The following SNX30 variants were observed in gnomAD, a reference collection of about 807,000 sequenced individuals.
The protein encoded by SNX30 is sorting nexin-30.
In SNX30, 24 loss-of-function variants were observed where a neutral mutation model predicts 46.4. The observed-to-expected ratio is 0.52, with a 90% CI of 0.37 to 0.73. SNX30 has a LOEUF of 0.73. SNX30 is among the 30% of genes least tolerant of loss of function. SNX30 has a pLI of 0.00. For synonymous variants in SNX30, 189 were observed against 211.5 expected, an observed-to-expected ratio of 0.89 and a Z score of 0.92; for missense variants, 533 against 555.7, an observed-to-expected ratio of 0.96 and a Z score of 0.41.
At chr9:112,847,880 T>C (rs970608302) in intron 6 of SNX30, among the ~76,000 whole-genome samples, 21 of 152,212 alleles carry the variant, frequency 1.4e-4, no homozygotes, top group Non-Finnish European at 1.0e-4. Context: ...CTTCCATTCC[T>C]GTTTTATTTT....
intron 4 of SNX30, among the ~76,000 whole-genome samples, chr9:112,835,874 T>C (rs4304397): frequency 0.94 from 142,573 of 152,186 alleles, 66,858 homozygotes; most frequent in East Asian, 1. Flanking sequence ...GTAAAGACAA[T>C]ATAGGGTACT....
At chr9:112,786,034 A>C (rs1839918535) in intron 1 of SNX30, among the ~76,000 whole-genome samples, 1 of 151,900 alleles carries the variant, frequency 6.6e-6, no homozygotes, top group Admixed American at 6.6e-5. Flanking sequence ...TCTCTTGCAT[A>C]TTGGCTTCAA....
At chr9:112,856,327 G>A (rs947370895) in intron 7 of SNX30, among the ~76,000 whole-genome samples, 20 of 146,630 alleles carry the variant, frequency 1.4e-4, no homozygotes, top group Non-Finnish European at 6.0e-5. Context: ...TGTGGTGTGT[G>A]TGGGGGGTGG....
In SNX30 at chr9:112,836,312, G is replaced by A. The variant is rs74792026; in HGVS notation, c.717G>A (p.Pro239=). 235 of 1,613,474 alleles carry A rather than the reference G, an allele frequency of 1.5e-4. 1 individual carries two copies. In the East Asian group the frequency reaches 4.4e-3, roughly 30 times the overall value. The stretch of plus-strand genomic sequence containing the variant: ...GCGGCTACAAGCTGAGGACTCGGCC[G>A]CTTGAGTTTGCTGCCATAGGTGACT... ...VTGGYKLRTR[P]LEFAAIGDYL... is the part of the protein sequence containing the mutation. The change falls in exon 5 of 9, where the codon CCG becomes CCA. Residue 239 remains proline, a synonymous_variant. Coordinates refer to ENST00000374232, the MANE Select transcript of SNX30 (RefSeq NM_001012994.2).
chr9:112,845,468 C>T (rs983900583), intron 6 of SNX30, among the ~76,000 whole-genome samples: 1 of 152,194 alleles, frequency 6.6e-6, no homozygotes, highest in African/African-American at 2.4e-5. Context: ...CTGATCCTCT[C>T]CTCCCTGCTC....
chr9:112,788,323 C>G (rs552021907), intron 1 of SNX30, among the ~76,000 whole-genome samples: 8 of 152,112 alleles, frequency 5.3e-5, no homozygotes, highest in Admixed American at 3.3e-4. Context: ...CTTGGACTTT[C>G]CTTAGGCACC....
At chr9:112,838,861 T>C (rs1023939090) in intron 6 of SNX30, among the ~76,000 whole-genome samples, 164 bp downstream of exon 6, 2 of 152,104 alleles carry the variant, frequency 1.3e-5, no homozygotes, top group Non-Finnish European at 2.9e-5. Context: ...ATGGAACACA[T>C]GGTGAACGAA....
chr9:112,792,318 G>T (rs1161581153), intron 1 of SNX30, among the ~76,000 whole-genome samples: 4 of 152,128 alleles, frequency 2.6e-5, no homozygotes, highest in Non-Finnish European at 5.9e-5. Context: ...TCATATAGAT[G>T]TCCAAATTTG....
At chr9:112,758,959 G>A (rs1033737377) in intron 1 of SNX30, among the ~76,000 whole-genome samples, 3 of 151,928 alleles carry the variant, frequency 2.0e-5, no homozygotes, top group African/African-American at 7.3e-5. Context: ...ACACACACGC[G>A]CGCACGTGCA....
chr9:112,882,136 T>C (rs1029098236), downstream of SNX30, among the ~76,000 whole-genome samples: 2 of 152,202 alleles, frequency 1.3e-5, no homozygotes, highest in African/African-American at 4.8e-5. Context: ...AGACAGAGTC[T>C]TGCTCTGTCA....
At chr9:112,825,017 G>C (rs1840560886) in intron 3 of SNX30, among the ~76,000 whole-genome samples, 1 of 152,106 alleles carries the variant, frequency 6.6e-6, no homozygotes, top group Non-Finnish European at 1.5e-5. Context: ...TCCCAGCCCG[G>C]CTATAATGAA....
chr9:112,795,769 A>T (rs904713743), intron 1 of SNX30, among the ~76,000 whole-genome samples: 305 of 147,596 alleles, frequency 2.1e-3, no homozygotes, highest in East Asian at 0.013. Context: ...GTACAGTCAC[A>T]CACACACACA....
chr9:112,755,115 G>A (rs987330162), intron 1 of SNX30, among the ~76,000 whole-genome samples: 17 of 152,178 alleles, frequency 1.1e-4, no homozygotes, highest in African/African-American at 4.1e-4. Context: ...TGAAAACCCT[G>A]CCCTCACTGG....
At chr9:112,836,975 C>T (rs776540893) in intron 5 of SNX30, among the ~76,000 whole-genome samples, 1 of 152,218 alleles carries the variant, frequency 6.6e-6, no homozygotes, top group Non-Finnish European at 1.5e-5. Flanking sequence ...CTCGGGGCCA[C>T]CTGCTTTGCC....
At chr9:112,880,684 G>A (rs2131537058) in intron 5 of SNX30, among the ~76,000 whole-genome samples, 1 of 152,294 alleles carries the variant, frequency 6.6e-6, no homozygotes, top group Non-Finnish European at 1.5e-5. Context: ...TGCTCTTTCG[G>A]AGTCTGTTAC....
intron 2 of SNX30, among the ~76,000 whole-genome samples, chr9:112,808,073 G>A (rs1840258782): frequency 6.6e-6 from 1 of 152,108 alleles, no homozygotes; most frequent in African/African-American, 2.4e-5. Context: ...TTATATTTTG[G>A]TGGTGCATTC....
downstream of SNX30, chr9:112,885,537 A>G (rs2131544707): frequency 6.6e-6 from 1 of 152,174 alleles, no homozygotes; most frequent in Non-Finnish European, 1.5e-5. Flanking sequence ...CTAACAGTCT[A>G]AAGAGAACAG....
intron 1 of SNX30, among the ~76,000 whole-genome samples, chr9:112,786,750 C>T (rs1215992680): frequency 6.6e-6 from 1 of 151,720 alleles, no homozygotes; most frequent in East Asian, 2.0e-4. Context: ...GCAATCTGCC[C>T]ACCTTGGCCT....
chr9:112,834,878 A>ACG (rs1021805460), intron 4 of SNX30, among the ~76,000 whole-genome samples: 1 of 79,120 alleles, frequency 1.3e-5, no homozygotes, highest in African/African-American at 3.2e-5. Flanking sequence ...ACACACACAC[A>ACG]CACACCTACC....
Sources: allele counts gnomAD v4.1 joint callset (sites outside exome capture counted in the v4.1 genomes callset), GRCh38; gene constraint gnomAD v4.1.1; transcripts MANE v1.5; gene names NCBI Gene and HGNC (gene_info 2026-07-23, HGNC 2026-07-21).